Variants in CACNA1E observed in about 807,000 individuals in gnomAD.
CACNA1E encodes calcium voltage-gated channel subunit alpha1 E.
CACNA1E carries 40 observed loss-of-function variants against 259.2 expected under a neutral mutation model. The observed-to-expected ratio is 0.15, with a 90% CI of 0.12 to 0.20. The LOEUF is 0.20. Ranked by LOEUF, CACNA1E falls within the 10% of genes least tolerant of loss-of-function variation. The probability of loss-of-function intolerance (pLI) is 1.00; values close to 1 mark genes in which losing one functional copy is unlikely to be tolerated. For synonymous variants in CACNA1E, 1,104 were observed against 1,138.5 expected, an observed-to-expected ratio of 0.97 and a Z score of 0.61; for missense variants, 1,874 against 3,040.1, an observed-to-expected ratio of 0.62 and a Z score of 9.02.
At chr1:181,647,469 C>T (rs1156289142) in intron 6 of CACNA1E, among the ~76,000 whole-genome samples, 6 of 152,204 alleles carry the variant, frequency 3.9e-5, no homozygotes, top group African/African-American at 1.4e-4. Context: ...GGCAACCCTC[C>T]TCTCTTGCAC....
chr1:181,728,082 C>T (rs1214642496), intron 18 of CACNA1E, among the ~76,000 whole-genome samples: 3 of 152,192 alleles, frequency 2.0e-5, no homozygotes, highest in Non-Finnish European at 4.4e-5. Context: ...GAATATTCCT[C>T]TCTGGAATAT....
At position 181,363,446 on chromosome 1, in the gene CACNA1E, T is replaced by C. The variant is rs559957141; in HGVS notation, c.-15+45323T>C. Among the ~76,000 whole-genome samples the C allele has an allele frequency of 6.7e-3, 1,013 of 152,226 alleles. 8 individuals carry two copies. The highest frequency in any genetic ancestry group is 0.02 in the South Asian group (98 of 4,828). ...TAGGTCATATCCCTAAATGCAGACC[T>C]CGAAATAAAGATTGATATGCAAATG... On this transcript the variant is annotated intron_variant, in intron 1 of 11. Transcript: ENST00000524607.
At chr1:181,565,040 T>G (rs1157542611) in intron 3 of CACNA1E, among the ~76,000 whole-genome samples, 1 of 152,174 alleles carries the variant, frequency 6.6e-6, no homozygotes, top group East Asian at 1.9e-4. Context: ...CCCTAGGATT[T>G]TTGGAATGGT....
chr1:181,445,613 G>A (rs1362525438), intron 2 of CACNA1E, among the ~76,000 whole-genome samples: 1 of 152,244 alleles, frequency 6.6e-6, no homozygotes, highest in Non-Finnish European at 1.5e-5. Flanking sequence ...ATTACACCAG[G>A]AGTATGAGGT....
At chr1:181,363,305 G>C (rs1571668193) in intron 1 of CACNA1E, among the ~76,000 whole-genome samples, 1 of 152,178 alleles carries the variant, frequency 6.6e-6, no homozygotes, top group East Asian at 1.9e-4. Context: ...TGCGCGTGTG[G>C]GATGTCTATT....
intron 1 of CACNA1E, among the ~76,000 whole-genome samples, chr1:181,497,322 A>G (rs574499717): frequency 6.6e-6 from 1 of 152,320 alleles, no homozygotes; most frequent in South Asian, 2.1e-4. Context: ...AGAACTTCTA[A>G]CAGCTTTCTA....
chr1:181,507,704 G>A (rs929313034), intron 1 of CACNA1E, among the ~76,000 whole-genome samples: 5 of 152,154 alleles, frequency 3.3e-5, no homozygotes, highest in Non-Finnish European at 5.9e-5. Context: ...GTTTTCAGGG[G>A]AAGAAGATTC....
At position 181,784,569 on chromosome 1, in the gene CACNA1E, GCC is replaced by G. The variant is rs919430043; in HGVS notation, c.5471-90_5471-89del. ...AAGATTTCCTCTTAAAATATGAGGTGCCCTGCTGATTCAGCTCCTACCTTCAC... is the reference window on the plus strand; with the variant it reads ...AAGATTTCCTCTTAAAATATGAGGTGCTGCTGATTCAGCTCCTACCTTCAC... On this transcript the variant is annotated intron_variant, in intron 40 of 47. Coordinates refer to ENST00000367573, the MANE Select transcript of CACNA1E (RefSeq NM_001205293.3). The G allele has an allele frequency of 1.3e-5, 10 of 756,198 alleles. No homozygotes were observed. In the African/African-American group the frequency reaches 1.8e-4, roughly 13 times the overall value. The allele number at this position is 756,198 out of a possible 1,614,324, so 46.8% of individuals were successfully genotyped here. A position where few individuals can be genotyped will look rare whatever the true frequency, so the allele number is the denominator to read the frequency against.
At chr1:181,466,330 G>A (rs1662152958) in intron 2 of CACNA1E, among the ~76,000 whole-genome samples, 1 of 151,846 alleles carries the variant, frequency 6.6e-6, no homozygotes, top group Non-Finnish European at 1.5e-5. Context: ...ATCACTTGAA[G>A]CCAGGAGTTT....
At chr1:181,361,462 A>G (rs1653879761) in intron 1 of CACNA1E, among the ~76,000 whole-genome samples, 1 of 152,140 alleles carries the variant, frequency 6.6e-6, no homozygotes, top group Admixed American at 6.5e-5. Flanking sequence ...TTTGGCTGCT[A>G]GACTCCTTTT....
intron 3 of CACNA1E, among the ~76,000 whole-genome samples, chr1:181,522,084 G>T (rs1667034913): frequency 6.6e-6 from 1 of 152,224 alleles, no homozygotes; most frequent in Non-Finnish European, 1.5e-5. Flanking sequence ...TTGCAGAGAA[G>T]AAGATAGAAC....
intron 6 of CACNA1E, among the ~76,000 whole-genome samples, chr1:181,648,248 A>T (rs1179746617): frequency 1.3e-5 from 2 of 152,180 alleles, no homozygotes; most frequent in East Asian, 3.8e-4. Context: ...TGCATGCCAA[A>T]CCCTTTGTTA....
At chr1:181,607,026 G>A (rs1654300909) in intron 6 of CACNA1E, among the ~76,000 whole-genome samples, 1 of 152,072 alleles carries the variant, frequency 6.6e-6, no homozygotes, top group Non-Finnish European at 1.5e-5. Flanking sequence ...AGTTGTTTTT[G>A]GAATGTTTAA....
intron 3 of CACNA1E, among the ~76,000 whole-genome samples, chr1:181,547,526 G>A (rs1445205166): frequency 1.3e-5 from 2 of 152,178 alleles, no homozygotes; most frequent in African/African-American, 2.4e-5. Flanking sequence ...CAGAGTCCCC[G>A]CAAGGGGCAG....
intron 1 of CACNA1E, among the ~76,000 whole-genome samples, chr1:181,336,479 G>A (rs1651719618): frequency 6.6e-6 from 1 of 152,144 alleles, no homozygotes. Flanking sequence ...CAAGGATTTA[G>A]GCCTAGCACA....
intron 12 of CACNA1E, among the ~76,000 whole-genome samples, chr1:181,718,451 C>T (rs1654108303): frequency 6.6e-6 from 1 of 152,044 alleles, no homozygotes; most frequent in Non-Finnish European, 1.5e-5. Context: ...TACAAAGCTA[C>T]CCATAGCCAG....
chr1:181,691,646 C>T (rs1651169684), intron 7 of CACNA1E, among the ~76,000 whole-genome samples: 1 of 152,070 alleles, frequency 6.6e-6, no homozygotes, highest in Non-Finnish European at 1.5e-5. Context: ...CCTCAACAAA[C>T]TAGACATCAA....
intron 44 of CACNA1E, 44 bp from the exon 45 acceptor site, chr1:181,793,621 G>A: frequency 6.3e-7 from 1 of 1,594,252 alleles, no homozygotes; most frequent in Non-Finnish European, 8.5e-7. Flanking sequence ...GAAGCAATGA[G>A]ATGGAACCAA....
intron 7 of CACNA1E, chr1:181,668,848 C>T (rs568232967): frequency 2.0e-5 from 3 of 151,694 alleles, no homozygotes; most frequent in Non-Finnish European, 2.9e-5. Context: ...TGGGCAACAA[C>T]GCGAGACTCA....
Sources: gnomAD v4.1 joint callset for allele counts (sites outside exome capture counted in the v4.1 genomes callset) on GRCh38, gnomAD v4.1.1 for gene constraint, MANE v1.5 for transcripts, NCBI Gene and HGNC (gene_info 2026-07-23, HGNC 2026-07-21) for gene names.